Variants in PPFIA2 observed in about 807,000 individuals in gnomAD.
PPFIA2 encodes PPFI scaffold protein A2.
In PPFIA2, 46 loss-of-function variants were observed where a neutral mutation model predicts 175.5. That is an observed-to-expected ratio of 0.26 (90% CI 0.21 to 0.34). PPFIA2 has a LOEUF of 0.34. Among genes scored for constraint, PPFIA2 ranks in the 10% least tolerant of loss-of-function variants. The pLI, the probability that PPFIA2 is intolerant of heterozygous loss-of-function variation, is 1.00. For synonymous variants in PPFIA2, 568 were observed against 511.4 expected, an observed-to-expected ratio of 1.11 and a Z score of -1.49; for missense variants, 1,179 against 1,506.1, an observed-to-expected ratio of 0.78 and a Z score of 3.60.
intron 22 of PPFIA2, among the ~76,000 whole-genome samples, chr12:81,307,108 A>C (rs772725752): frequency 6.6e-6 from 1 of 152,094 alleles, no homozygotes; most frequent in African/African-American, 2.4e-5. Flanking sequence ...GTGTTTACTT[A>C]ACTCCTGGCT....
At chr12:81,632,145 T>C (rs1026813978) in intron 4 of PPFIA2, among the ~76,000 whole-genome samples, 2 of 152,110 alleles carry the variant, frequency 1.3e-5, no homozygotes, top group Admixed American at 6.5e-5. Context: ...AGTGAGAACT[T>C]GGTTTGTGTT....
At chr12:81,504,348 C>T (rs998541806) in intron 4 of PPFIA2, among the ~76,000 whole-genome samples, 41 of 152,144 alleles carry the variant, frequency 2.7e-4, no homozygotes, top group African/African-American at 9.6e-4. Flanking sequence ...TATGAACAGA[C>T]ACTTCTCAAA....
At chr12:81,682,159 C>T (rs1044460045) in intron 3 of PPFIA2, among the ~76,000 whole-genome samples, 12 of 151,954 alleles carry the variant, frequency 7.9e-5, no homozygotes, top group African/African-American at 1.7e-4. Flanking sequence ...AATGTAAGGT[C>T]TTTAATGAGG....
At chr12:81,636,876 C>T (rs1288012490) in intron 4 of PPFIA2, among the ~76,000 whole-genome samples, 1 of 152,056 alleles carries the variant, frequency 6.6e-6, no homozygotes, top group East Asian at 2.0e-4. Flanking sequence ...TGGTCTCAAA[C>T]TCCTGACCTC....
In PPFIA2 at chr12:81,284,289, A is replaced by G. The variant is rs1466982167; in HGVS notation, c.2940T>C (p.Val980=). 6.3e-7 allele frequency: 1 copy of G among 1,595,102 alleles called. No homozygotes were observed. Among genetic ancestry groups the G allele is most frequent in the East Asian group, 2.2e-5 (1 of 44,680 alleles). ...TTTCCATTTCTTCATGAGTCACCCA[A>G]ACGTTGCCTGAAGGCTAGTGAGGAG... ...PPTSRTPSGN[V]WVTHEEMENL... is the part of the protein sequence containing the mutation. The change falls in exon 25 of 33, where the codon GTT becomes GTC. Residue 980 remains valine (V), a synonymous_variant. Coordinates refer to ENST00000549396, the MANE Select transcript of PPFIA2 (RefSeq NM_003625.5).
chr12:81,489,494 G>T (rs1162120744), intron 4 of PPFIA2, among the ~76,000 whole-genome samples: 3 of 151,726 alleles, frequency 2.0e-5, no homozygotes, highest in Admixed American at 1.3e-4. Flanking sequence ...AGACAGTTTT[G>T]ATTATGAACT....
At chr12:81,556,061 T>G (rs1170813330) in intron 4 of PPFIA2, among the ~76,000 whole-genome samples, 1 of 151,962 alleles carries the variant, frequency 6.6e-6, no homozygotes, top group Admixed American at 6.6e-5. Flanking sequence ...GGTCTGTAAC[T>G]AGCCATGATA....
rs146380129 is a variant in PPFIA2, at chr12:81,509,172, C to G, written c.304-51306G>C. On this transcript the variant is annotated intron_variant, in intron 4 of 32. Coordinates refer to ENST00000549396, the MANE Select transcript of PPFIA2 (RefSeq NM_003625.5). ...ATTGGGATCCAAACCAAAGCAGAAC[C>G]TTTTGTCCAATTATTATCAGTGAGA... 5.1e-4 allele frequency among the ~76,000 whole-genome samples: 77 copies of G among 152,128 alleles called. No individual in the cohort carries two copies. The East Asian group carries it at 0.013, about 25-fold the overall frequency.
intron 17 of PPFIA2, among the ~76,000 whole-genome samples, chr12:81,352,519 C>T (rs576977269): frequency 6.6e-6 from 1 of 151,790 alleles, no homozygotes; most frequent in East Asian, 2.0e-4. Context: ...AGAGCCTTTA[C>T]CAAAAACTGA....
chr12:81,681,467 T>C (rs183658930), intron 3 of PPFIA2, among the ~76,000 whole-genome samples: 19 of 152,086 alleles, frequency 1.2e-4, no homozygotes, highest in Admixed American at 1.2e-3. Context: ...AGTGAGGTGA[T>C]CAGTGTCAGA....
chr12:81,638,891 T>G (rs570403707), intron 4 of PPFIA2, among the ~76,000 whole-genome samples: 174 of 151,044 alleles, frequency 1.2e-3, no homozygotes, highest in Admixed American at 4.1e-3. Flanking sequence ...GTTTCACCGT[T>G]TTAGCCGGGA....
chr12:81,651,861 T>G (rs1326914306), intron 4 of PPFIA2, among the ~76,000 whole-genome samples: 1 of 152,096 alleles, frequency 6.6e-6, no homozygotes, highest in Non-Finnish European at 1.5e-5. Context: ...GTTCTTTCCT[T>G]TGGTATTATT....
intron 5 of PPFIA2, among the ~76,000 whole-genome samples, 179 bp downstream of exon 5, chr12:81,457,586 C>A (rs938852440): frequency 6.6e-6 from 1 of 152,074 alleles, no homozygotes; most frequent in Non-Finnish European, 1.5e-5. Flanking sequence ...TTTAGGTTTC[C>A]TGTCTTTTTG....
Position 81,258,281 on chromosome 12 carries a change from T to C in PPFIA2, c.*1413A>G, listed in dbSNP as rs1393133071. On this transcript the variant is annotated 3_prime_UTR_variant, in exon 33 of 33. Coordinates refer to ENST00000549396, the MANE Select transcript of PPFIA2 (RefSeq NM_003625.5). ...AACAGAGAACTGGAATTATTATTTT[T>C]TTTATTGACAATGGAAAGGGTTTCT... The C allele has an allele frequency of 6.6e-6, 1 of 152,174 alleles. No homozygotes were observed. Among genetic ancestry groups the C allele is most frequent in the Non-Finnish European group, 1.5e-5 (1 of 68,016 alleles). 9.4% of individuals were successfully genotyped at this position (152,174 alleles called of 1,614,324 possible).
intron 4 of PPFIA2, among the ~76,000 whole-genome samples, chr12:81,540,287 A>T (rs2066007441): frequency 6.6e-6 from 1 of 152,104 alleles, no homozygotes; most frequent in Admixed American, 6.6e-5. Context: ...AATATTTATC[A>T]TAAGACTTAG....
chr12:81,326,705 A>G (rs1385236386), intron 21 of PPFIA2, among the ~76,000 whole-genome samples: 1 of 152,260 alleles, frequency 6.6e-6, no homozygotes, highest in East Asian at 1.9e-4. Flanking sequence ...TTCATAAATT[A>G]TCTGTTGTAA....
At chr12:81,670,085 G>A (rs897915023) in intron 4 of PPFIA2, among the ~76,000 whole-genome samples, 1 of 151,772 alleles carries the variant, frequency 6.6e-6, no homozygotes, top group Non-Finnish European at 1.5e-5. Context: ...TAACTGAGAG[G>A]GGAAAATAGC....
In PPFIA2 at chr12:81,375,935, G is replaced by T; in HGVS notation, c.992C>A (p.Ala331Glu). 6.2e-7 allele frequency: 1 copy of T among 1,612,068 alleles called. No individual in the cohort carries two copies. The highest frequency in any genetic ancestry group is 8.5e-7 in the Non-Finnish European group (1 of 1,178,994). The change falls in exon 10 of 33, where the codon GCA becomes GAA. Residue 331 changes from alanine (A) to glutamate (E), a missense_variant. Ala to Glu is a moderately radical substitution (Grantham distance 107, BLOSUM62 -1). This residue lies in a region of PPFIA2 where 226 missense variants were observed against 216.6 expected (regional missense o/e 1.04). Coordinates refer to ENST00000549396, the MANE Select transcript of PPFIA2 (RefSeq NM_003625.5). Reference sequence around the variant, plus strand: ...TCTTTCTTCCATATCTTCCTTTTGTGCCATGGCCTACAATTAAAATAATTT... The same window carrying T: ...TCTTTCTTCCATATCTTCCTTTTGTTCCATGGCCTACAATTAAAATAATTT... ...KYQRDIREAM[A>E]QKEDMEERIT...
intron 4 of PPFIA2, among the ~76,000 whole-genome samples, chr12:81,577,428 T>C (rs751266896): frequency 6.6e-6 from 1 of 152,008 alleles, no homozygotes; most frequent in Non-Finnish European, 1.5e-5. Flanking sequence ...CATTGGCAAA[T>C]GCCAGAGAGC....
Sources: allele counts gnomAD v4.1 joint callset (sites outside exome capture counted in the v4.1 genomes callset), GRCh38; gene constraint gnomAD v4.1.1; regional missense constraint gnomAD v4.1.1; transcripts MANE v1.5; gene names NCBI Gene and HGNC (gene_info 2026-07-23, HGNC 2026-07-21).